The following MEGF11 variants were observed in gnomAD, a reference collection of about 807,000 sequenced individuals.
The protein encoded by MEGF11 is multiple epidermal growth factor-like domains protein 11.
A neutral mutation model predicts 146.6 loss-of-function variants in MEGF11; 126 were observed. The observed-to-expected ratio is 0.86, with a 90% CI of 0.74 to 1.00. MEGF11 has a LOEUF of 1.00. MEGF11 is among the 50% of genes least tolerant of loss of function. The probability of loss-of-function intolerance (pLI) is 0.00; values close to 1 mark genes in which losing one functional copy is unlikely to be tolerated. For synonymous variants in MEGF11, 532 were observed against 583.4 expected (o/e 0.91, Z 1.27); for missense variants, 1,509 against 1,521.2 (o/e 0.99, Z 0.13).
intron 1 of MEGF11, among the ~76,000 whole-genome samples, chr15:66,198,936 T>C (rs1449144216): frequency 1.3e-5 from 2 of 152,136 alleles, no homozygotes; most frequent in Non-Finnish European, 2.9e-5. Flanking sequence ...TTCAAATCAC[T>C]TGTAAAAAAG....
At chr15:66,090,241 AG>A (rs2086268643) in intron 5 of MEGF11, among the ~76,000 whole-genome samples, 2 of 152,100 alleles carry the variant, frequency 1.3e-5, no homozygotes, top group Non-Finnish European at 2.9e-5. Context: ...AGGGCAGGGT[AG>A]GGGCAGGGAG....
At chr15:66,179,618 A>C (rs2090486213) in intron 1 of MEGF11, among the ~76,000 whole-genome samples, 1 of 152,146 alleles carries the variant, frequency 6.6e-6, no homozygotes, top group African/African-American at 2.4e-5. Context: ...GAATGTAGAG[A>C]GTGCAACCAG....
chr15:66,031,541 T>A (rs1298005645), intron 5 of MEGF11, among the ~76,000 whole-genome samples: 1 of 152,146 alleles, frequency 6.6e-6, no homozygotes, highest in Non-Finnish European at 1.5e-5. Context: ...TGAAGTACTG[T>A]CCTCACATTC....
intron 5 of MEGF11, among the ~76,000 whole-genome samples, chr15:66,009,519 G>T (rs1443697243): frequency 1.3e-5 from 2 of 152,182 alleles, no homozygotes; most frequent in South Asian, 4.1e-4. Context: ...TGAGTTGTAG[G>T]GGTGGGTATT....
intron 1 of MEGF11, among the ~76,000 whole-genome samples, chr15:66,167,131 GC>G (rs1057428514): frequency 6.6e-6 from 1 of 152,146 alleles, no homozygotes; most frequent in African/African-American, 2.4e-5. Context: ...CCACCATGGA[GC>G]TGGGCATCTT....
At chr15:66,088,089 A>T (rs1223035062) in intron 5 of MEGF11, among the ~76,000 whole-genome samples, 1 of 152,244 alleles carries the variant, frequency 6.6e-6, no homozygotes, top group Non-Finnish European at 1.5e-5. Context: ...CGACGGATAA[A>T]TTCCTGGAAA....
intron 9 of MEGF11, among the ~76,000 whole-genome samples, chr15:65,960,985 T>A (rs1461615769): frequency 6.6e-6 from 1 of 152,190 alleles, no homozygotes; most frequent in Non-Finnish European, 1.5e-5. Context: ...ACAATTCTTC[T>A]AGAAATGGGA....
At chr15:65,974,332 A>G (rs184354717) in intron 7 of MEGF11, among the ~76,000 whole-genome samples, 21 of 152,198 alleles carry the variant, frequency 1.4e-4, no homozygotes, top group African/African-American at 4.8e-4. Flanking sequence ...GAGGACAGTG[A>G]GAGAATGCGT....
intron 10 of MEGF11, among the ~76,000 whole-genome samples, chr15:65,937,382 T>C (rs190930738): frequency 6.6e-6 from 1 of 152,348 alleles, no homozygotes; most frequent in East Asian, 1.9e-4. Flanking sequence ...AGGTCCTTTA[T>C]TGAGGTTGTT....
rs182396005 is a variant in MEGF11, at chr15:66,119,302, A to G, written c.201-116T>C. The G allele has an allele frequency of 2.3e-3, 1,592 of 701,594 alleles. 4 individuals are homozygous for G. The highest frequency in any genetic ancestry group is 4.8e-3 in the Middle Eastern group (20 of 4,130). The allele number at this position is 701,594 out of a possible 1,614,324, so 43.5% of individuals were successfully genotyped here. On this transcript the variant is annotated intron_variant, in intron 3 of 25. Coordinates refer to ENST00000395614, the MANE Select transcript of MEGF11 (RefSeq NM_001385028.1). ...CCATTCAATAATTACTTTAAAATGC[A>G]TGGCGACTTCAAATATGAAGGAACA...
chr15:65,929,839 A>G lies in MEGF11; in HGVS notation c.1453T>C (p.Trp485Arg). ...DCTLPCPSGT[W>R]GLNCNESCTC... ...CAGCTCTCGTTGCAGTTCAGGCCCC[A>G]CGTCCCACTGGGACATGGCAGGGTG... is the stretch of plus-strand genomic sequence containing the variant. The change falls in exon 12 of 26, where the codon TGG (tryptophan) becomes CGG (arginine). Residue 485 changes from tryptophan (W) to arginine (R), a missense_variant. Coordinates refer to ENST00000395614, the MANE Select transcript of MEGF11 (RefSeq NM_001385028.1). 1.3e-6 allele frequency: 2 copies of G among 1,594,042 alleles called. No homozygotes were observed. Among genetic ancestry groups the G allele is most frequent in the Non-Finnish European group, 1.7e-6 (2 of 1,170,398 alleles).
intron 5 of MEGF11, among the ~76,000 whole-genome samples, chr15:66,056,266 G>C (rs963238772): frequency 6.6e-6 from 1 of 151,660 alleles, no homozygotes; most frequent in South Asian, 2.1e-4. Context: ...AAGAGGGAGG[G>C]GCTGTAGAGG....
intron 5 of MEGF11, among the ~76,000 whole-genome samples, chr15:66,090,960 G>C (rs962795334): frequency 1.3e-5 from 2 of 152,146 alleles, no homozygotes; most frequent in African/African-American, 4.8e-5. Flanking sequence ...TGCCAGCAGT[G>C]GTTATCTCTG....
chr15:65,996,890 A>G (rs2082216582), intron 5 of MEGF11, among the ~76,000 whole-genome samples: 1 of 152,202 alleles, frequency 6.6e-6, no homozygotes, highest in South Asian at 2.1e-4. Flanking sequence ...AGCTTGCCCA[A>G]GGCCATTGGT....
intron 1 of MEGF11, among the ~76,000 whole-genome samples, chr15:66,190,465 C>T (rs2090839173): frequency 6.6e-6 from 1 of 152,048 alleles, no homozygotes. Context: ...CCCTTTGTGA[C>T]CAAGGAAGGA....
At chr15:66,127,325 G>T (rs1379426877) in intron 2 of MEGF11, among the ~76,000 whole-genome samples, 1 of 152,120 alleles carries the variant, frequency 6.6e-6, no homozygotes, top group Admixed American at 6.5e-5. Flanking sequence ...TGGTCTCCAG[G>T]GATCACACAA....
intron 19 of MEGF11, 40 bp from the exon 20 acceptor site, chr15:65,914,013 C>T (rs1188114473): frequency 6.5e-7 from 1 of 1,549,230 alleles, no homozygotes; most frequent in East Asian, 2.3e-5. Context: ...GGCTGGCCTT[C>T]TTGCGCTTCA....
chr15:66,093,476 A>C (rs1231713222), intron 5 of MEGF11, among the ~76,000 whole-genome samples: 3 of 152,234 alleles, frequency 2.0e-5, no homozygotes, highest in Non-Finnish European at 4.4e-5. Flanking sequence ...AATCGGGCTT[A>C]GATCCCTAGT....
At chr15:66,216,306 G>T (rs186000842) in intron 1 of MEGF11, among the ~76,000 whole-genome samples, 1 of 152,130 alleles carries the variant, frequency 6.6e-6, no homozygotes, top group Admixed American at 6.5e-5. Flanking sequence ...TCATGTAGGG[G>T]GATCCACATC....
Sources: allele counts gnomAD v4.1 joint callset (sites outside exome capture counted in the v4.1 genomes callset), GRCh38; gene constraint gnomAD v4.1.1; transcripts MANE v1.5; gene names NCBI Gene and HGNC (gene_info 2026-07-23, HGNC 2026-07-21).